CYFIP1: variants seen among roughly 807,000 people sequenced by gnomAD.
CYFIP1 encodes cytoplasmic FMR1 interacting protein 1.
Under a neutral mutation model 163.5 loss-of-function variants are expected in CYFIP1, and 58 were observed. That is an observed-to-expected ratio of 0.35 (90% CI 0.29 to 0.44). The LOEUF (loss-of-function observed/expected upper bound fraction) is 0.44. CYFIP1 is among the 20% of genes least tolerant of loss of function. The probability of loss-of-function intolerance (pLI) is 1.00; values close to 1 mark genes in which losing one functional copy is unlikely to be tolerated. For synonymous variants in CYFIP1, 663 were observed against 660.7 expected, an observed-to-expected ratio of 1.00 and a Z score of -0.05; for missense variants, 1,338 against 1,653.8, an observed-to-expected ratio of 0.81 and a Z score of 3.31.
At chr15:22,894,717 A>G (rs1328146229) in intron 22 of CYFIP1, among the ~76,000 whole-genome samples, 2 of 151,520 alleles carry the variant, frequency 1.3e-5, no homozygotes, top group African/African-American at 2.4e-5. Context: ...TCAGATACAG[A>G]ACTGTTGAAG....
intron 13 of CYFIP1, among the ~76,000 whole-genome samples, chr15:22,925,218 C>T (rs2061320937): frequency 6.6e-6 from 1 of 152,084 alleles, no homozygotes; most frequent in African/African-American, 2.4e-5. Context: ...ATGGGAAAAG[C>T]TGATTCTAAA....
chr15:22,953,508 ACCAGCAT>A (rs1298550915), intron 1 of CYFIP1, among the ~76,000 whole-genome samples: 2 of 151,928 alleles, frequency 1.3e-5, no homozygotes, highest in Non-Finnish European at 2.9e-5. Context: ...TTCCCCCAGC[ACCAGCAT>A]CCAGCACAGC....
intron 23 of CYFIP1, among the ~76,000 whole-genome samples, chr15:22,884,859 G>A (rs1029684889): frequency 1.3e-5 from 2 of 152,038 alleles, no homozygotes; most frequent in Admixed American, 1.3e-4. Flanking sequence ...CCAAGGCTTG[G>A]GGCTTGCACC....
intron 1 of CYFIP1, among the ~76,000 whole-genome samples, chr15:22,966,511 T>C (rs1009928192): frequency 7.9e-5 from 12 of 151,984 alleles, no homozygotes; most frequent in African/African-American, 2.7e-4. Flanking sequence ...CACTGTGATC[T>C]TGGATGTCCA....
chr15:22,933,116 G>T (rs2061591930), intron 10 of CYFIP1, among the ~76,000 whole-genome samples: 1 of 151,860 alleles, frequency 6.6e-6, no homozygotes. Context: ...TTACAGGCAT[G>T]AGCCACCGCG....
At chr15:22,961,862 T>A (rs1343814108) in intron 1 of CYFIP1, among the ~76,000 whole-genome samples, 1 of 152,230 alleles carries the variant, frequency 6.6e-6, no homozygotes, top group Admixed American at 6.5e-5. Flanking sequence ...GCTACTTTCT[T>A]TTTCATTTCA....
intron 22 of CYFIP1, among the ~76,000 whole-genome samples, chr15:22,902,628 G>T (rs536675692): frequency 6.6e-6 from 1 of 152,210 alleles, no homozygotes; most frequent in Non-Finnish European, 1.5e-5. Context: ...AAACAGAGAC[G>T]GTGGTCTTCA....
chr15:22,927,880 G>C, intron 12 of CYFIP1, 26 bp downstream of exon 12: 5 of 1,582,850 alleles, frequency 3.2e-6, no homozygotes, highest in South Asian at 1.2e-5. Flanking sequence ...CTTTGGAGCG[G>C]GGCTGGGGTC....
chr15:22,874,904 T>TA (rs1261131246), intron 27 of CYFIP1, among the ~76,000 whole-genome samples: 1 of 152,176 alleles, frequency 6.6e-6, no homozygotes, highest in Non-Finnish European at 1.5e-5. Flanking sequence ...AATGAGCCTG[T>TA]ACCCATCATC....
At chr15:22,965,038 G>T (rs1046314374) in intron 1 of CYFIP1, among the ~76,000 whole-genome samples, 1 of 28,560 alleles carries the variant, frequency 3.5e-5, no homozygotes, top group Admixed American at 2.3e-4. Context: ...GTATTCCATT[G>T]TGTGTGTGTG....
chr15:22,951,035 G>C (rs1224525381), intron 1 of CYFIP1, among the ~76,000 whole-genome samples: 1 of 152,186 alleles, frequency 6.6e-6, no homozygotes, highest in Non-Finnish European at 1.5e-5. Flanking sequence ...GAAAAACATA[G>C]ACTACGCAGG....
chr15:22,872,688 G>T, intron 30 of CYFIP1, 137 bp downstream of exon 30: 2 of 793,056 alleles, frequency 2.5e-6, no homozygotes, highest in Non-Finnish European at 3.9e-6. Flanking sequence ...TTCATTTTGG[G>T]AACGAAAAGA....
intron 1 of CYFIP1, chr15:22,947,981 CA>C: frequency 1.0e-6 from 1 of 985,572 alleles, no homozygotes; most frequent in Non-Finnish European, 1.2e-6. Context: ...CAAGGGTACT[CA>C]GGAGGAGCTC....
At chr15:22,928,909 C>G (rs1224733372) in intron 11 of CYFIP1, among the ~76,000 whole-genome samples, 2 of 151,798 alleles carry the variant, frequency 1.3e-5, no homozygotes, top group Non-Finnish European at 1.5e-5. Context: ...CTAAACACCA[C>G]GGTGTGACTT....
chr15:22,883,415 G>C (rs1330212674), intron 23 of CYFIP1, among the ~76,000 whole-genome samples: 1 of 152,210 alleles, frequency 6.6e-6, no homozygotes, highest in Non-Finnish European at 1.5e-5. Context: ...GGAGCCGGGA[G>C]AGAGACCCCT....
intron 1 of CYFIP1, among the ~76,000 whole-genome samples, chr15:22,966,368 C>T (rs1328625227): frequency 3.3e-5 from 4 of 119,894 alleles, no homozygotes; most frequent in Admixed American, 3.3e-4. Context: ...AGCAAAACTC[C>T]GTCTCAAAAA....
intron 13 of CYFIP1, among the ~76,000 whole-genome samples, chr15:22,924,811 C>G (rs1303664776): frequency 1.3e-5 from 2 of 152,158 alleles, no homozygotes; most frequent in African/African-American, 4.8e-5. Context: ...GTGGCTCACA[C>G]CTGCAATCCC....
At chr15:22,882,243 G>A (rs1430954755) in intron 24 of CYFIP1, among the ~76,000 whole-genome samples, 13 of 152,200 alleles carry the variant, frequency 8.5e-5, no homozygotes, top group Admixed American at 8.5e-4. Flanking sequence ...CCCCAGCATC[G>A]TGAGCACTGC....
intron 26 of CYFIP1, among the ~76,000 whole-genome samples, chr15:22,878,455 C>T (rs796639980): frequency 8.0e-4 from 122 of 152,170 alleles, no homozygotes; most frequent in African/African-American, 2.8e-3. Context: ...AGCCCTTCAG[C>T]CACTAGAGGA....
Sources: allele counts gnomAD v4.1 joint callset (sites outside exome capture counted in the v4.1 genomes callset), GRCh38; gene constraint gnomAD v4.1.1; transcripts MANE v1.5; gene names NCBI Gene and HGNC (gene_info 2026-07-23, HGNC 2026-07-21).